RBFOX1: variants seen among roughly 807,000 people sequenced by gnomAD.
RBFOX1 encodes RNA binding fox-1 homolog 1, also known as RNA binding protein fox-1 homolog 1.
Under a neutral mutation model 57.7 loss-of-function variants are expected in RBFOX1, and 8 were observed. The observed-to-expected ratio is 0.14, with a 90% CI of 0.08 to 0.25. RBFOX1 has a LOEUF of 0.25. Ranked by LOEUF, RBFOX1 falls within the 10% of genes least tolerant of loss-of-function variation. RBFOX1 has a pLI of 1.00. For synonymous variants in RBFOX1, 326 were observed against 222.4 expected (o/e 1.47, Z -4.15); for missense variants, 611 against 548.5 (o/e 1.11, Z -1.14).
chr16:5,725,193 A>C (rs975580994), intron 3 of RBFOX1, among the ~76,000 whole-genome samples: 1 of 152,108 alleles, frequency 6.6e-6, no homozygotes, highest in Admixed American at 6.5e-5. Context: ...TGCCAAAACA[A>C]TCCCTTGTGC....
chr16:6,977,169 CAT>C (rs916333795), intron 3 of RBFOX1, among the ~76,000 whole-genome samples: 2 of 142,966 alleles, frequency 1.4e-5, no homozygotes, highest in African/African-American at 5.2e-5. Context: ...CATATATTAT[CAT>C]ATATAGATCA....
At chr16:6,440,732 C>G (rs1053875070) in intron 2 of RBFOX1, among the ~76,000 whole-genome samples, 3 of 146,790 alleles carry the variant, frequency 2.0e-5, no homozygotes, top group Non-Finnish European at 4.5e-5. Flanking sequence ...ACTTGGGAGG[C>G]AGAGGTTTCA....
chr16:6,648,241 T>C (rs2098549716), intron 2 of RBFOX1, among the ~76,000 whole-genome samples: 1 of 151,860 alleles, frequency 6.6e-6, no homozygotes, highest in African/African-American at 2.4e-5. Flanking sequence ...TTATTTTTTT[T>C]GTAGAGACAC....
chr16:5,757,452 G>A (rs1230827360), intron 3 of RBFOX1, among the ~76,000 whole-genome samples: 4 of 151,948 alleles, frequency 2.6e-5, no homozygotes, highest in African/African-American at 9.7e-5. Flanking sequence ...GGATGGTCTC[G>A]ATCTCTTGAC....
chr16:7,592,818 A>C (rs1030121311), intron 7 of RBFOX1, among the ~76,000 whole-genome samples: 1 of 152,120 alleles, frequency 6.6e-6, no homozygotes, highest in Non-Finnish European at 1.5e-5. Flanking sequence ...ATTTATTACA[A>C]AGGATGAAAA....
chr16:5,757,231 G>GTTT (rs562031050), intron 3 of RBFOX1, among the ~76,000 whole-genome samples: 2 of 127,046 alleles, frequency 1.6e-5, no homozygotes, highest in Non-Finnish European at 3.4e-5. Flanking sequence ...TGGTTTTTGT[G>GTTT]TTTTTTTTTT....
intron 4 of RBFOX1, among the ~76,000 whole-genome samples, chr16:7,151,491 A>G (rs2076098359): frequency 6.6e-6 from 1 of 152,128 alleles, no homozygotes. Context: ...ATTCTGGAGC[A>G]GATCTTCTTC....
intron 4 of RBFOX1, among the ~76,000 whole-genome samples, chr16:5,949,693 T>C (rs2059480767): frequency 6.6e-6 from 1 of 152,202 alleles, no homozygotes; most frequent in South Asian, 2.1e-4. Context: ...CCATTTGTTT[T>C]GTAGAACAGC....
rs190111417 is a variant in RBFOX1 at position 6,873,694 on chromosome 16, T to A, written c.-15-178363T>A. Among the ~76,000 whole-genome samples the A allele has an allele frequency of 5.3e-5, 8 of 152,294 alleles. No individual in the cohort carries two copies. In the East Asian group the frequency reaches 5.8e-4, roughly 11 times the overall value. On this transcript the variant is annotated intron_variant, in intron 3 of 15. Coordinates refer to ENST00000550418, the MANE Select transcript of RBFOX1 (RefSeq NM_018723.4). Reference sequence around the variant, plus strand: ...GAAAATGTGAGTATTTATGGCATCATGATTGTCACTGTCACTATCATCCTC... The same window carrying A: ...GAAAATGTGAGTATTTATGGCATCAAGATTGTCACTGTCACTATCATCCTC...
intron 4 of RBFOX1, among the ~76,000 whole-genome samples, chr16:5,906,105 C>G (rs2152195606): frequency 6.6e-6 from 1 of 152,210 alleles, no homozygotes; most frequent in African/African-American, 2.4e-5. Context: ...CAGCAAACAC[C>G]TCAACTGGTA....
At chr16:6,701,787 C>G (rs9806919) in intron 3 of RBFOX1, among the ~76,000 whole-genome samples, 1 of 152,104 alleles carries the variant, frequency 6.6e-6, no homozygotes, top group African/African-American at 2.4e-5. Context: ...AGAATGAAAT[C>G]GTGTCCTTTG....
At chr16:6,571,746 C>A (rs113313597) in intron 2 of RBFOX1, among the ~76,000 whole-genome samples, 15 of 152,220 alleles carry the variant, frequency 9.9e-5, no homozygotes, top group African/African-American at 2.9e-4. Flanking sequence ...GAAGAATGCA[C>A]CAGCAGAGTT....
chr16:7,706,311 C>A (rs1011151962), intron 14 of RBFOX1, among the ~76,000 whole-genome samples: 11 of 152,152 alleles, frequency 7.2e-5, no homozygotes, highest in African/African-American at 2.2e-4. Flanking sequence ...GTAGAGGTCA[C>A]CCTGAAGAGA....
chr16:5,756,290 G>C (rs540666655), intron 3 of RBFOX1, among the ~76,000 whole-genome samples: 1 of 148,400 alleles, frequency 6.7e-6, no homozygotes, highest in Non-Finnish European at 1.5e-5. Flanking sequence ...ATGAAATGCC[G>C]TGGGGTTGTA....
chr16:6,020,059 C>A, intron 1 of RBFOX1, 67 bp downstream of exon 1: 1 of 1,360,608 alleles, frequency 7.3e-7, no homozygotes, highest in Non-Finnish European at 9.5e-7. Context: ...CAGAAGGTCT[C>A]ATGGAGGGAA....
chr16:5,440,901 C>T (rs1171492672), intron 1 of RBFOX1, among the ~76,000 whole-genome samples: 2 of 152,154 alleles, frequency 1.3e-5, no homozygotes, highest in African/African-American at 2.4e-5. Context: ...AAGTGATTTT[C>T]GAAAGGTCAC....
At chr16:7,475,440 G>C (rs1599382813) in intron 4 of RBFOX1, among the ~76,000 whole-genome samples, 1 of 151,748 alleles carries the variant, frequency 6.6e-6, no homozygotes, top group Non-Finnish European at 1.5e-5. Flanking sequence ...TCAGCCTCCT[G>C]AGTAGCTGGG....
At chr16:6,288,097 G>A (rs558032585) in intron 1 of RBFOX1, among the ~76,000 whole-genome samples, 9 of 152,234 alleles carry the variant, frequency 5.9e-5, no homozygotes, top group East Asian at 3.9e-4. Flanking sequence ...TCTTAGCTGC[G>A]TGCAGCATCC....
intron 3 of RBFOX1, among the ~76,000 whole-genome samples, chr16:6,916,503 T>G (rs1220762952): frequency 1.3e-5 from 2 of 151,974 alleles, no homozygotes; most frequent in Non-Finnish European, 2.9e-5. Context: ...TTTTTTTTAA[T>G]TGTCATTCTA....
Sources: allele counts gnomAD v4.1 joint callset (sites outside exome capture counted in the v4.1 genomes callset), GRCh38; gene constraint gnomAD v4.1.1; transcripts MANE v1.5; gene names NCBI Gene and HGNC (gene_info 2026-07-23, HGNC 2026-07-21).